Variants in PARM1 observed in about 807,000 individuals in gnomAD.
PARM1 encodes WSC4, cell wall integrity and stress response component 4 homolog.
PARM1 carries 14 observed loss-of-function variants against 24.6 expected under a neutral mutation model. That is an observed-to-expected ratio of 0.57 (90% CI 0.38 to 0.89). PARM1 has a LOEUF of 0.89. PARM1 is among the 40% of genes least tolerant of loss of function. The pLI is 0.00. For synonymous variants in PARM1, 179 were observed against 156.6 expected, an observed-to-expected ratio of 1.14 and a Z score of -1.07; for missense variants, 362 against 380.4, an observed-to-expected ratio of 0.95 and a Z score of 0.40.
intron 2 of PARM1, among the ~76,000 whole-genome samples, chr4:75,031,327 G>C (rs1723270618): frequency 6.6e-6 from 1 of 152,158 alleles, no homozygotes; most frequent in Non-Finnish European, 1.5e-5. Context: ...CAAACTCTTA[G>C]AAGTGCCCCT....
chr4:74,972,307 T>C (rs1026482547), intron 1 of PARM1, among the ~76,000 whole-genome samples: 2 of 152,240 alleles, frequency 1.3e-5, no homozygotes, highest in East Asian at 1.9e-4. Context: ...GTTTTTGCAA[T>C]GCAAAAAGAA....
At chr4:74,936,585 C>G (rs1408603855) in intron 1 of PARM1, among the ~76,000 whole-genome samples, 2 of 151,794 alleles carry the variant, frequency 1.3e-5, no homozygotes, top group East Asian at 3.9e-4. Context: ...TCCCGAGTAA[C>G]TGGGACTACA....
chr4:74,999,387 G>A (rs959003326), intron 1 of PARM1, among the ~76,000 whole-genome samples: 1 of 152,172 alleles, frequency 6.6e-6, no homozygotes, highest in African/African-American at 2.4e-5. Context: ...GGGAGAATAG[G>A]TGGTAGAAGA....
At chr4:75,044,953 G>A (rs899487932) in intron 3 of PARM1, among the ~76,000 whole-genome samples, 2 of 152,084 alleles carry the variant, frequency 1.3e-5, no homozygotes. Context: ...GGAAAGACCC[G>A]CCCCCATAAT....
rs1193813594 is a variant in PARM1, at chr4:75,046,238, T to C, written c.924T>C (p.Asp308=). 3.1e-6 allele frequency: 5 copies of C among 1,605,154 alleles called. No individual in the cohort carries two copies. In the African/African-American group the frequency reaches 6.7e-5, roughly 21 times the overall value. Reference sequence around the variant, plus strand: ...GAAACTACAACAACCCTCTGTACGATGACTCCTAACAATGGAATATGGCCT... The same window carrying C: ...GAAACTACAACAACCCTCTGTACGACGACTCCTAACAATGGAATATGGCCT... ...SWGNYNNPLY[D]DS The change falls in exon 4 of 4, where the codon GAT becomes GAC. Residue 308 remains aspartate (D), a synonymous_variant. Coordinates refer to ENST00000307428, the MANE Select transcript of PARM1 (RefSeq NM_015393.4).
chr4:74,982,243 A>G (rs1338189308), intron 1 of PARM1, among the ~76,000 whole-genome samples: 29 of 152,318 alleles, frequency 1.9e-4, no homozygotes, highest in African/African-American at 6.5e-4. Context: ...GAGCCGAACA[A>G]TGTGAACACA....
At chr4:74,976,634 G>A (rs772483788) in intron 1 of PARM1, among the ~76,000 whole-genome samples, 1 of 152,238 alleles carries the variant, frequency 6.6e-6, no homozygotes, top group Non-Finnish European at 1.5e-5. Flanking sequence ...CTGATCTGGT[G>A]CCTCCTGACT....
At chr4:74,945,756 CA>C (rs1279551748) in intron 1 of PARM1, among the ~76,000 whole-genome samples, 1 of 152,114 alleles carries the variant, frequency 6.6e-6, no homozygotes, top group Non-Finnish European at 1.5e-5. Context: ...ACACAGATAT[CA>C]AAAAAGAAAA....
chr4:74,960,221 G>A (rs377355488), intron 1 of PARM1, among the ~76,000 whole-genome samples: 11 of 152,110 alleles, frequency 7.2e-5, no homozygotes, highest in South Asian at 6.2e-4. Flanking sequence ...CTTTCTTCAC[G>A]TTGCAAGCCC....
intron 1 of PARM1, among the ~76,000 whole-genome samples, chr4:74,971,528 A>G (rs1424516865): frequency 6.6e-5 from 10 of 152,304 alleles, no homozygotes; most frequent in Non-Finnish European, 1.2e-4. Flanking sequence ...ATCCTATTTT[A>G]TTAACAGCAT....
chr4:74,989,596 T>G (rs558898748), intron 1 of PARM1, among the ~76,000 whole-genome samples: 1 of 152,188 alleles, frequency 6.6e-6, no homozygotes, highest in Admixed American at 6.5e-5. Context: ...TTATGGATAC[T>G]TCATTAGGTA....
intron 1 of PARM1, among the ~76,000 whole-genome samples, chr4:74,945,202 A>G (rs1051743724): frequency 6.6e-6 from 1 of 152,224 alleles, no homozygotes; most frequent in Non-Finnish European, 1.5e-5. Flanking sequence ...CTGTGGAGAA[A>G]GGGTTTAGAA....
At chr4:75,020,503 G>A (rs1217488868) in intron 2 of PARM1, among the ~76,000 whole-genome samples, 4 of 87,664 alleles carry the variant, frequency 4.6e-5, no homozygotes, top group South Asian at 3.8e-4. Flanking sequence ...CCCCCCCCCC[G>A]CACCCATCTC....
rs1723675908 is a variant in PARM1 at position 75,049,510 on chromosome 4, T to G, written c.*3263T>G. ...GCTCTGGACTACCCCTTTGTGCAGC[T>G]GAATCACTGCAGGGTTGACCATGCC... On this transcript the variant is annotated 3_prime_UTR_variant, in exon 4 of 4. Coordinates refer to ENST00000307428, the MANE Select transcript of PARM1 (RefSeq NM_015393.4). The G allele has an allele frequency of 6.6e-6, 1 of 152,306 alleles. No individual in the cohort carries two copies. Among genetic ancestry groups the G allele is most frequent in the East Asian group, 1.9e-4 (1 of 5,198 alleles). 9.4% of individuals were successfully genotyped at this position (152,306 alleles called of 1,614,324 possible). A position where few individuals can be genotyped will look rare whatever the true frequency, so the allele number is the denominator to read the frequency against.
At chr4:74,954,636 G>C (rs189909508) in intron 1 of PARM1, among the ~76,000 whole-genome samples, 4 of 152,094 alleles carry the variant, frequency 2.6e-5, no homozygotes, top group Non-Finnish European at 5.9e-5. Context: ...AGCATCGTGC[G>C]CATCATGTTC....
At chr4:74,961,810 A>G (rs1721780453) in intron 1 of PARM1, among the ~76,000 whole-genome samples, 1 of 152,208 alleles carries the variant, frequency 6.6e-6, no homozygotes, top group Non-Finnish European at 1.5e-5. Context: ...CCCTAAAGAA[A>G]TGCTAAAAGA....
At chr4:74,977,598 T>A (rs1722163842) in intron 1 of PARM1, among the ~76,000 whole-genome samples, 1 of 152,110 alleles carries the variant, frequency 6.6e-6, no homozygotes. Context: ...AACATTCAAA[T>A]CCTGGAAATT....
chr4:75,030,467 TG>T (rs572921507), intron 2 of PARM1, among the ~76,000 whole-genome samples: 5 of 152,134 alleles, frequency 3.3e-5, no homozygotes, highest in African/African-American at 4.8e-5. Flanking sequence ...ATTCTGGTCC[TG>T]GGCCATTAAA....
chr4:75,023,964 AAC>A (rs1376194144), intron 2 of PARM1, among the ~76,000 whole-genome samples: 1 of 152,170 alleles, frequency 6.6e-6, no homozygotes, highest in Non-Finnish European at 1.5e-5. Context: ...ACACTTGGTA[AAC>A]ACAGTATTCA....
Sources: allele counts gnomAD v4.1 joint callset (sites outside exome capture counted in the v4.1 genomes callset), GRCh38; gene constraint gnomAD v4.1.1; transcripts MANE v1.5; gene names NCBI Gene and HGNC (gene_info 2026-07-23, HGNC 2026-07-21).